The following NRXN3 variants were observed in gnomAD, a reference collection of about 807,000 sequenced individuals.
NRXN3 encodes neurexin III.
In NRXN3, 32 loss-of-function variants were observed where a neutral mutation model predicts 137.6. The observed-to-expected ratio is 0.23, with a 90% CI of 0.18 to 0.31. The LOEUF (loss-of-function observed/expected upper bound fraction) is 0.31, where lower values mean the gene tolerates loss of function less well. Ranked by LOEUF, NRXN3 falls within the 10% of genes least tolerant of loss-of-function variation. NRXN3 has a pLI of 1.00. For synonymous variants in NRXN3, 798 were observed against 784.5 expected, an observed-to-expected ratio of 1.02 and a Z score of -0.29; for missense variants, 1,574 against 2,062.5, an observed-to-expected ratio of 0.76 and a Z score of 4.59.
intron 10 of NRXN3, among the ~76,000 whole-genome samples, chr14:78,878,574 A>AT (rs1156543161): frequency 6.6e-6 from 1 of 152,162 alleles, no homozygotes; most frequent in Non-Finnish European, 1.5e-5. Flanking sequence ...AGAATGTCAC[A>AT]TTTTATTTTT....
chr14:78,771,442 T>C (rs1000546586), intron 8 of NRXN3, among the ~76,000 whole-genome samples: 13 of 152,204 alleles, frequency 8.5e-5, no homozygotes, highest in African/African-American at 2.9e-4. Flanking sequence ...CAAGCACACA[T>C]GAAGCAATGA....
At chr14:79,430,092 T>A (rs1230424254) in intron 15 of NRXN3, among the ~76,000 whole-genome samples, 1 of 152,210 alleles carries the variant, frequency 6.6e-6, no homozygotes, top group African/African-American at 2.4e-5. Context: ...CAGTAAATTA[T>A]TTTCAAAATT....
chr14:79,467,516 TA>T lies in NRXN3; in HGVS notation c.3444+119del. The T allele has an allele frequency of 3.2e-6, 3 of 949,696 alleles. No homozygotes were observed. The East Asian group carries it at 8.5e-5, about 27-fold the overall frequency. The allele number at this position is 949,696 out of a possible 1,614,324, so 58.8% of individuals were successfully genotyped here. A position where few individuals can be genotyped will look rare whatever the true frequency, so the allele number is the denominator to read the frequency against. ...AATATGGCAAAGGTGCACATGCTTA[TA>T]AAAATTGTTTTCAGATGTGAACCAT... On this transcript the variant is annotated intron_variant, in intron 16 of 20. Coordinates refer to ENST00000335750, the MANE Select transcript of NRXN3 (RefSeq NM_001330195.2).
chr14:78,588,161 T>C (rs2097084972), intron 4 of NRXN3, among the ~76,000 whole-genome samples: 1 of 152,180 alleles, frequency 6.6e-6, no homozygotes, highest in Admixed American at 6.5e-5. Flanking sequence ...GATTCTTGGG[T>C]ACCTTACTAT....
At chr14:79,738,265 A>G (rs1336781266) in intron 19 of NRXN3, among the ~76,000 whole-genome samples, 1 of 151,874 alleles carries the variant, frequency 6.6e-6, no homozygotes, top group African/African-American at 2.4e-5. Flanking sequence ...GGCCCTAAAT[A>G]TCCTCAAAAG....
At chr14:79,398,165 A>T (rs1254986883) in intron 15 of NRXN3, among the ~76,000 whole-genome samples, 4 of 152,158 alleles carry the variant, frequency 2.6e-5, no homozygotes, top group Non-Finnish European at 4.4e-5. Context: ...ATCCTACATG[A>T]ATGAATGCAA....
chr14:78,836,546 T>C (rs923099656), intron 10 of NRXN3, among the ~76,000 whole-genome samples: 2 of 152,228 alleles, frequency 1.3e-5, no homozygotes, highest in African/African-American at 4.8e-5. Flanking sequence ...AGCTCGTCTG[T>C]GGACCACAAC....
At chr14:78,983,011 A>G (rs1287377903) in intron 14 of NRXN3, among the ~76,000 whole-genome samples, 1 of 152,144 alleles carries the variant, frequency 6.6e-6, no homozygotes, top group African/African-American at 2.4e-5. Flanking sequence ...AGATATGCAG[A>G]TGGCCAACAT....
chr14:78,377,434 C>G (rs2088091444), intron 4 of NRXN3, among the ~76,000 whole-genome samples: 1 of 152,138 alleles, frequency 6.6e-6, no homozygotes, highest in African/African-American at 2.4e-5. Context: ...GAGAAATAGA[C>G]AAATTCGCAG....
chr14:78,934,418 G>T (rs1475570123), intron 10 of NRXN3, among the ~76,000 whole-genome samples: 2 of 152,148 alleles, frequency 1.3e-5, no homozygotes, highest in East Asian at 3.9e-4. Flanking sequence ...AACCCAGGGG[G>T]TGTCTTTGCA....
At chr14:79,061,132 T>C (rs1182341397) in intron 15 of NRXN3, among the ~76,000 whole-genome samples, 1 of 152,218 alleles carries the variant, frequency 6.6e-6, no homozygotes, top group African/African-American at 2.4e-5. Flanking sequence ...AATTGATTAA[T>C]TAATTCAATA....
At chr14:78,662,205 A>G (rs1217004295) in intron 6 of NRXN3, among the ~76,000 whole-genome samples, 1 of 152,046 alleles carries the variant, frequency 6.6e-6, no homozygotes, top group Non-Finnish European at 1.5e-5. Context: ...ACTAATTGAC[A>G]GATTAGAATA....
rs2098973643 is a variant in NRXN3, at chr14:78,828,677, T to G, written c.2275+18333T>G. ...TAGAAATTATGTTTGGAAAGCAGAC[T>G]AGCTACCCAGAATTCCAAACAATAG... On this transcript the variant is annotated intron_variant, in intron 10 of 20. Transcript: ENST00000335750. Among the ~76,000 whole-genome samples, 3 of 152,208 alleles carry G rather than the reference T, an allele frequency of 2.0e-5. No homozygotes were observed. The South Asian group carries it at 6.2e-4, about 31-fold the overall frequency.
chr14:78,641,443 G>A (rs1035524650), intron 4 of NRXN3, among the ~76,000 whole-genome samples: 1 of 152,184 alleles, frequency 6.6e-6, no homozygotes, highest in Non-Finnish European at 1.5e-5. Flanking sequence ...CTGCACTCCA[G>A]CCTGGGGGAC....
intron 14 of NRXN3, among the ~76,000 whole-genome samples, chr14:78,981,758 A>T (rs1430929630): frequency 6.6e-6 from 1 of 152,200 alleles, no homozygotes; most frequent in East Asian, 1.9e-4. Context: ...TTTTATATCA[A>T]TAGATGTTTA....
At chr14:78,213,405 A>C (rs952703892) in intron 1 of NRXN3, among the ~76,000 whole-genome samples, 1 of 152,144 alleles carries the variant, frequency 6.6e-6, no homozygotes, top group Admixed American at 6.5e-5. Flanking sequence ...AGGGAGCAGG[A>C]AGGAGGGAGA....
At chr14:79,851,305 A>G (rs955508550) in intron 20 of NRXN3, among the ~76,000 whole-genome samples, 2 of 152,168 alleles carry the variant, frequency 1.3e-5, no homozygotes, top group East Asian at 3.9e-4. Flanking sequence ...TAAAAGTATA[A>G]TTAGTCCAAA....
At chr14:79,401,368 C>A (rs971606455) in intron 15 of NRXN3, among the ~76,000 whole-genome samples, 1 of 152,062 alleles carries the variant, frequency 6.6e-6, no homozygotes, top group African/African-American at 2.4e-5. Flanking sequence ...ACAGGCAGCA[C>A]CAGCATCACC....
chr14:78,856,774 C>G (rs2099058356), intron 10 of NRXN3, among the ~76,000 whole-genome samples: 1 of 152,130 alleles, frequency 6.6e-6, no homozygotes, highest in South Asian at 2.1e-4. Flanking sequence ...CATTCTGTTG[C>G]CCAGGCCGGA....
Sources: allele counts gnomAD v4.1 joint callset (sites outside exome capture counted in the v4.1 genomes callset), GRCh38; gene constraint gnomAD v4.1.1; transcripts MANE v1.5; gene names NCBI Gene and HGNC (gene_info 2026-07-23, HGNC 2026-07-21).